STAG1: variants seen among roughly 807,000 people sequenced by gnomAD.
STAG1 encodes the protein cohesin subunit SA-1.
STAG1 carries 26 observed loss-of-function variants against 170.9 expected under a neutral mutation model. That is an observed-to-expected ratio of 0.15 (90% CI 0.11 to 0.21). The LOEUF (loss-of-function observed/expected upper bound fraction) is 0.21, where lower values mean the gene tolerates loss of function less well. Among genes scored for constraint, STAG1 ranks in the 10% least tolerant of loss-of-function variants. The probability of loss-of-function intolerance (pLI) is 1.00; values close to 1 mark genes in which losing one functional copy is unlikely to be tolerated. For missense variants in STAG1, 964 were observed against 1,509.5 expected (o/e 0.64, Z 5.99); for synonymous variants, 514 against 497.7 (o/e 1.03, Z -0.44).
At chr3:136,577,629 C>T (rs1937508295) in intron 4 of STAG1, among the ~76,000 whole-genome samples, 1 of 152,158 alleles carries the variant, frequency 6.6e-6, no homozygotes, top group Non-Finnish European at 1.5e-5. Context: ...GATGCTCATT[C>T]TCCTGAAGAC....
rs552721679 is a variant in STAG1, at chr3:136,473,766, G to T, written c.1027-129C>A. 1.2e-5 allele frequency: 8 copies of T among 655,456 alleles called. 1 individual carries two copies. The South Asian group carries it at 1.3e-4, about 11-fold the overall frequency. 40.6% of individuals were successfully genotyped at this position (655,456 alleles called of 1,614,324 possible). A position where few individuals can be genotyped will look rare whatever the true frequency, so the allele number is the denominator to read the frequency against. On this transcript the variant is annotated intron_variant, in intron 10 of 33. Coordinates refer to ENST00000383202, the MANE Select transcript of STAG1 (RefSeq NM_005862.3). ...CATATTGTAATTCAACATAGGATGA[G>T]ACTGAACAATTGTATAGTGTGTGTT... is the stretch of plus-strand genomic sequence containing the variant.
At chr3:136,706,053 G>A (rs567477381) in intron 1 of STAG1, among the ~76,000 whole-genome samples, 92 of 152,100 alleles carry the variant, frequency 6.0e-4, no homozygotes, top group African/African-American at 2.2e-3. Context: ...CTGGAAGACA[G>A]AGTGAGACCC....
intron 7 of STAG1, among the ~76,000 whole-genome samples, chr3:136,518,968 T>C (rs1272659328): frequency 6.6e-6 from 1 of 151,792 alleles, no homozygotes; most frequent in African/African-American, 2.4e-5. Context: ...TATTTAAACA[T>C]ACACAAGATT....
At position 136,652,763 on chromosome 3, in the gene STAG1, T is replaced by C. The variant is rs138037111; in HGVS notation, c.-83-21782A>G. ...TAACCAATCAGAAATTAAAATAAAC[T>C]CCATTCAAAATGGCAACAAAAACAA... On this transcript the variant is annotated intron_variant, in intron 1 of 33. Transcript: ENST00000383202. Among the ~76,000 whole-genome samples the C allele has an allele frequency of 8.5e-4, 129 of 152,242 alleles. 1 individual carries two copies. The highest frequency in any genetic ancestry group is 6.8e-3 in the Middle Eastern group (2 of 294).
At chr3:136,672,353 A>C (rs3856637) in intron 1 of STAG1, among the ~76,000 whole-genome samples, 1 of 152,152 alleles carries the variant, frequency 6.6e-6, no homozygotes, top group Non-Finnish European at 1.5e-5. Context: ...AGTGAGGGTT[A>C]AATAATAAAA....
chr3:136,509,687 C>T (rs1355886268), intron 7 of STAG1, among the ~76,000 whole-genome samples: 1 of 151,946 alleles, frequency 6.6e-6, no homozygotes, highest in African/African-American at 2.4e-5. Flanking sequence ...TGAGTGGAAA[C>T]ACAGAAGAAA....
intron 6 of STAG1, among the ~76,000 whole-genome samples, chr3:136,541,138 G>C (rs1935882482): frequency 6.6e-6 from 1 of 152,120 alleles, no homozygotes; most frequent in Non-Finnish European, 1.5e-5. Context: ...ATATGTGTTT[G>C]TATGACGTTT....
chr3:136,363,387 A>C lies in STAG1; in HGVS notation c.2766T>G (p.Thr922=), dbSNP rs202221089. 2 of 1,600,310 alleles carry C rather than the reference A, an allele frequency of 1.2e-6. No homozygotes were observed. The highest frequency in any genetic ancestry group is 2.2e-5 in the East Asian group (1 of 44,524). ...TTACCTGTTGCAAACTGAGAATGAG[A>C]GTCTTGGCACACTGAATTTTATCAA... ...RQIDKIQCAK[T]LILSLQQLFN... is the part of the protein sequence containing the mutation. The change falls in exon 26 of 34, where the codon ACT becomes ACG. Residue 922 remains threonine (T), a synonymous_variant. Coordinates refer to ENST00000383202, the MANE Select transcript of STAG1 (RefSeq NM_005862.3).
intron 23 of STAG1, among the ~76,000 whole-genome samples, chr3:136,371,157 C>A (rs1937313463): frequency 6.6e-6 from 1 of 152,172 alleles, no homozygotes; most frequent in African/African-American, 2.4e-5. Flanking sequence ...TAAATGTCTT[C>A]TTTTGAGAAG....
intron 1 of STAG1, among the ~76,000 whole-genome samples, chr3:136,704,744 G>A (rs1218781909): frequency 2.7e-5 from 4 of 147,982 alleles, no homozygotes; most frequent in Admixed American, 1.4e-4. Context: ...TGAGAGAATC[G>A]CTTGAGCCTG....
At chr3:136,643,236 G>A (rs141827235) in intron 1 of STAG1, among the ~76,000 whole-genome samples, 8 of 152,262 alleles carry the variant, frequency 5.3e-5, no homozygotes, top group South Asian at 2.1e-4. Context: ...AAATGTTTAC[G>A]AAGCAACTCC....
At chr3:136,506,417 G>C (rs1041720440) in intron 7 of STAG1, among the ~76,000 whole-genome samples, 1 of 150,590 alleles carries the variant, frequency 6.6e-6, no homozygotes, top group African/African-American at 2.5e-5. Context: ...GATCACTGGA[G>C]GTCAGGAGTT....
chr3:136,716,919 AC>A (rs1943554827), intron 1 of STAG1, among the ~76,000 whole-genome samples: 1 of 152,242 alleles, frequency 6.6e-6, no homozygotes, highest in African/African-American at 2.4e-5. Context: ...AGTGAGGATA[AC>A]AATACATATC....
At chr3:136,443,733 C>T (rs76215579) in intron 14 of STAG1, among the ~76,000 whole-genome samples, 2,805 of 151,892 alleles carry the variant, frequency 0.018, 79 homozygotes, top group African/African-American at 0.06. Context: ...CTACTCCTTG[C>T]GGTCTCTTCA....
chr3:136,464,066 A>C (rs925999664), intron 13 of STAG1, among the ~76,000 whole-genome samples: 1 of 151,902 alleles, frequency 6.6e-6, no homozygotes, highest in Non-Finnish European at 1.5e-5. Flanking sequence ...AGGTTTAAAA[A>C]AAATTAAACT....
chr3:136,715,731 G>A (rs1279504571), intron 1 of STAG1, among the ~76,000 whole-genome samples: 2 of 151,020 alleles, frequency 1.3e-5, no homozygotes, highest in African/African-American at 4.9e-5. Flanking sequence ...AAATAAATGG[G>A]AAAAACCTAC....
intron 1 of STAG1, among the ~76,000 whole-genome samples, chr3:136,683,572 G>C (rs1412069276): frequency 6.6e-6 from 1 of 151,796 alleles, no homozygotes; most frequent in African/African-American, 2.4e-5. Flanking sequence ...CCTTCAACGT[G>C]ATTTTTTTTT....
At chr3:136,450,990 C>T (rs2088921324) in intron 14 of STAG1, among the ~76,000 whole-genome samples, 1 of 152,094 alleles carries the variant, frequency 6.6e-6, no homozygotes, top group Non-Finnish European at 1.5e-5. Flanking sequence ...CTGAAGTGAT[C>T]TGCCCACCTC....
chr3:136,471,640 C>G (rs1220143543), intron 12 of STAG1, among the ~76,000 whole-genome samples: 1 of 152,114 alleles, frequency 6.6e-6, no homozygotes, highest in Non-Finnish European at 1.5e-5. Context: ...AGGATATATT[C>G]TCTCACATAG....
Sources: gnomAD v4.1 joint callset for allele counts (sites outside exome capture counted in the v4.1 genomes callset) on GRCh38, gnomAD v4.1.1 for gene constraint, MANE v1.5 for transcripts, NCBI Gene and HGNC (gene_info 2026-07-23, HGNC 2026-07-21) for gene names.